EIF2AK1: variants seen among roughly 807,000 people sequenced by gnomAD.
EIF2AK1 encodes eukaryotic translation initiation factor 2 alpha kinase 1, also known as eukaryotic translation initiation factor 2-alpha kinase 1.
Under a neutral mutation model 77.9 loss-of-function variants are expected in EIF2AK1, and 54 were observed. The observed-to-expected ratio is 0.69, with a 90% CI of 0.56 to 0.87. EIF2AK1 has a LOEUF of 0.87. Ranked by LOEUF, EIF2AK1 falls within the 40% of genes least tolerant of loss-of-function variation. EIF2AK1 has a pLI of 0.00. For synonymous variants in EIF2AK1, 314 were observed against 290.5 expected (o/e 1.08, Z -0.82); for missense variants, 810 against 768.6 (o/e 1.05, Z -0.64).
intron 4 of EIF2AK1, chr7:6,047,758 C>T (rs57846353): frequency 1.3e-5 from 2 of 154,484 alleles, no homozygotes; most frequent in African/African-American, 4.8e-5. Context: ...GGCTAGATTG[C>T]AGTGGCTATT....
Position 6,036,745 on chromosome 7 carries a change from A to AT in EIF2AK1, c.1332+678dup. On this transcript the variant is annotated intron_variant, in intron 11 of 14. Coordinates refer to ENST00000199389, the MANE Select transcript of EIF2AK1 (RefSeq NM_014413.4). The surrounding 1 kb of genome is among the most constrained non-coding windows in gnomAD (Gnocchi z 4.6). ...TTCTAAAACAGCAAAAAAACTTCCG[A>AT]TTTTGTTAAACTTTAAGATGAATAA... 6.6e-6 allele frequency among the ~76,000 whole-genome samples: 1 copy of AT among 152,254 alleles called. No homozygotes were observed. Among genetic ancestry groups the AT allele is most frequent in the East Asian group, 1.9e-4 (1 of 5,186 alleles).
intron 7 of EIF2AK1, among the ~76,000 whole-genome samples, 181 bp from the exon 8 acceptor site, chr7:6,043,174 G>C (rs186610187): frequency 2.0e-3 from 301 of 152,206 alleles, no homozygotes; most frequent in African/African-American, 6.8e-3. Flanking sequence ...TAAAAACAAA[G>C]CCATGCAACT....
At chr7:6,025,471 T>TAA (rs931882264) in intron 14 of EIF2AK1, among the ~76,000 whole-genome samples, 5 of 152,060 alleles carry the variant, frequency 3.3e-5, no homozygotes, top group East Asian at 1.9e-4. Context: ...TTGTAACTCT[T>TAA]AGAGTAGACA....
Position 6,024,485 on chromosome 7 carries a change from T to C in EIF2AK1, c.*188A>G. ...AGAGACTAGGCATATGGTTAATATT[T>C]AGGTAGGAAATTCAGGAAAAGGAGC... On this transcript the variant is annotated 3_prime_UTR_variant, in exon 15 of 15. Transcript: ENST00000199389. The C allele has an allele frequency of 7.0e-7, 1 of 1,420,362 alleles. No individual in the cohort carries two copies. Among genetic ancestry groups the C allele is most frequent in the Non-Finnish European group, 9.1e-7 (1 of 1,094,322 alleles). The allele number at this position is 1,420,362 out of a possible 1,614,324, so 88.0% of individuals were successfully genotyped here.
At chr7:6,029,254 C>T (rs1215421253) in intron 11 of EIF2AK1, among the ~76,000 whole-genome samples, 4 of 152,102 alleles carry the variant, frequency 2.6e-5, no homozygotes, top group African/African-American at 4.8e-5. Flanking sequence ...AATCCCAGCA[C>T]TTTGGGAGAC....
At chr7:6,052,036 G>A (rs1007525718) in intron 2 of EIF2AK1, among the ~76,000 whole-genome samples, 1 of 151,854 alleles carries the variant, frequency 6.6e-6, no homozygotes, top group Non-Finnish European at 1.5e-5. Context: ...GCCGGGCGTG[G>A]TGGTGGGTGC....
intron 11 of EIF2AK1, among the ~76,000 whole-genome samples, chr7:6,029,286 G>A (rs944212249): frequency 6.6e-6 from 1 of 152,010 alleles, no homozygotes; most frequent in African/African-American, 2.4e-5. Flanking sequence ...GATCACCTGA[G>A]GTCAGGAGTT....
At position 6,045,109 on chromosome 7, in the gene EIF2AK1, A is replaced by AT. The variant is rs758550375; in HGVS notation, c.631-449dup. Reference sequence around the variant, plus strand: ...TCTACACTATGTTAAAATAATAGAAATTTTTTTTTTTTTTTTGAGACAGAG... The same window carrying AT: ...TCTACACTATGTTAAAATAATAGAAATTTTTTTTTTTTTTTTTGAGACAGAG... On this transcript the variant is annotated intron_variant, in intron 6 of 14. Transcript: ENST00000199389. Among the ~76,000 whole-genome samples, 1,054 of 144,264 alleles carry AT rather than the reference A, an allele frequency of 7.3e-3. 6 individuals are homozygous for AT. The highest frequency in any genetic ancestry group is 0.023 in the South Asian group (103 of 4,542). The allele number at this position is 144,264 out of a possible 152,430, so 94.6% of individuals were successfully genotyped here.
chr7:6,028,201 T>A (rs1436143817), intron 13 of EIF2AK1: 1 of 313,138 alleles, frequency 3.2e-6, no homozygotes, highest in Non-Finnish European at 6.3e-6. Context: ...CAGTACTCAG[T>A]TATCTCCAAA....
intron 1 of EIF2AK1, chr7:6,058,281 G>C (rs1424642865): frequency 4.9e-6 from 2 of 408,774 alleles, no homozygotes; most frequent in East Asian, 1.4e-4. Flanking sequence ...GCTGGGCACA[G>C]TGGTGTGCAC....
At chr7:6,034,887 C>T (rs1788030843) in intron 11 of EIF2AK1, among the ~76,000 whole-genome samples, 2 of 152,152 alleles carry the variant, frequency 1.3e-5, no homozygotes, top group South Asian at 4.1e-4. Flanking sequence ...GTCACTTCTG[C>T]TCCCTACACA....
At chr7:6,044,193 G>A (rs1259595918) in intron 7 of EIF2AK1, among the ~76,000 whole-genome samples, 17 of 151,172 alleles carry the variant, frequency 1.1e-4, no homozygotes, top group African/African-American at 3.2e-4. Context: ...AACCAGGCGC[G>A]GTGGCTCATG....
rs1455670366 is a variant in EIF2AK1, at chr7:6,022,685, G to C, written c.*1988C>G. ...GGTCTCTGAGTGAGACACAGCTCAA[G>C]GGGGGGACTGTGAGCATTTGGGGAA... On this transcript the variant is annotated 3_prime_UTR_variant, in exon 15 of 15. Transcript: ENST00000199389. 6.6e-6 allele frequency: 1 copy of C among 152,326 alleles called. No individual in the cohort carries two copies. The highest frequency in any genetic ancestry group is 1.5e-5 in the Non-Finnish European group (1 of 68,222). 9.4% of individuals were successfully genotyped at this position (152,326 alleles called of 1,614,324 possible). A position where few individuals can be genotyped will look rare whatever the true frequency, so the allele number is the denominator to read the frequency against.
chr7:6,043,865 G>A (rs923565362), intron 7 of EIF2AK1, among the ~76,000 whole-genome samples: 18 of 152,014 alleles, frequency 1.2e-4, no homozygotes, highest in African/African-American at 4.1e-4. Context: ...CTGGGAGGCC[G>A]AGGCAGGTGG....
chr7:6,026,313 T>C, intron 14 of EIF2AK1: 1 of 390,062 alleles, frequency 2.6e-6, no homozygotes, highest in Non-Finnish European at 5.3e-6. Context: ...AGGCAGGTGG[T>C]GAAGGGTCAG....
chr7:6,028,212 A>G (rs1425792267), intron 13 of EIF2AK1, among the ~76,000 whole-genome samples: 1 of 152,068 alleles, frequency 6.6e-6, no homozygotes, highest in Non-Finnish European at 1.5e-5. Context: ...TATCTCCAAA[A>G]ACATCTCTAT....
In EIF2AK1 at chr7:6,059,008, C is replaced by A; in HGVS notation, c.76G>T (p.Ala26Ser). Residue 26 changes from alanine to serine, a missense_variant, in exon 1 of 15, where the codon GCC becomes TCC. Around this residue, in one of 3 missense-constraint regions of EIF2AK1, gnomAD observed 246 missense variants for 199.0 expected, o/e 1.24. Transcript: ENST00000199389. ...DGAGAVAAPP[A>S]IDFPAEGPDP... is the part of the protein sequence containing the mutation. Reference sequence around the variant, plus strand: ...GGGCCCTCGGCGGGAAAGTCGATGGCCGGCGGCGCAGCCACAGCCCCAGCC... The same window carrying A: ...GGGCCCTCGGCGGGAAAGTCGATGGACGGCGGCGCAGCCACAGCCCCAGCC... 6.5e-7 allele frequency: 1 copy of A among 1,539,638 alleles called. No homozygotes were observed.
At chr7:6,052,859 A>C (rs977672105) in intron 2 of EIF2AK1, among the ~76,000 whole-genome samples, 5 of 152,022 alleles carry the variant, frequency 3.3e-5, no homozygotes, top group African/African-American at 1.2e-4. Context: ...GCTACTCGGG[A>C]GGGTGAGGCA....
At chr7:6,029,983 A>AAAAAG (rs1173297347) in intron 11 of EIF2AK1, among the ~76,000 whole-genome samples, 3 of 152,154 alleles carry the variant, frequency 2.0e-5, no homozygotes, top group Admixed American at 6.6e-5. Context: ...CTGTCTCAAA[A>AAAAAG]AAAAGAAAAG....
Sources: allele counts gnomAD v4.1 joint callset (sites outside exome capture counted in the v4.1 genomes callset), GRCh38; gene constraint gnomAD v4.1.1; regional missense constraint gnomAD v4.1.1; non-coding constraint Gnocchi (gnomAD v3.1); transcripts MANE v1.5; gene names NCBI Gene and HGNC (gene_info 2026-07-23, HGNC 2026-07-21).